The following IL1RAPL2 variants were observed in gnomAD, a reference collection of about 807,000 sequenced individuals.
IL1RAPL2 encodes the protein X-linked interleukin-1 receptor accessory protein-like 2.
A neutral mutation model predicts 44.1 loss-of-function variants in IL1RAPL2; 3 were observed. The ratio of observed to expected loss-of-function variants is 0.07; its 90% confidence interval spans 0.03 to 0.18. The LOEUF (loss-of-function observed/expected upper bound fraction) is 0.18, where lower values mean the gene tolerates loss of function less well. Ranked by LOEUF, IL1RAPL2 falls within the 10% of genes least tolerant of loss-of-function variation. The probability of loss-of-function intolerance (pLI) is 1.00; values close to 1 mark genes in which losing one functional copy is unlikely to be tolerated. For missense variants in IL1RAPL2, 391 were observed against 496.4 expected, an observed-to-expected ratio of 0.79 and a Z score of 2.02; for synonymous variants, 181 against 178.8, an observed-to-expected ratio of 1.01 and a Z score of -0.10.
intron 7 of IL1RAPL2, among the ~76,000 whole-genome samples, chrX:105,732,409 T>C (rs779628162): frequency 9.1e-5 from 10 of 110,205 alleles, no homozygotes; most frequent in South Asian, 3.9e-4. Flanking sequence ...GTTCTCATGA[T>C]AGTGAGTGAG....
At chrX:105,304,755 A>C in intron 5 of IL1RAPL2, among the ~76,000 whole-genome samples, 1 of 112,121 alleles carries the variant, frequency 8.9e-6, no homozygotes, top group Admixed American at 9.5e-5. Context: ...TCATTACCAC[A>C]TCAAGGTACT....
intron 4 of IL1RAPL2, 130 bp downstream of exon 4, chrX:105,234,134 C>A (rs2034098405): frequency 2.1e-6 from 1 of 471,539 alleles, no homozygotes; most frequent in Non-Finnish European, 3.4e-6. Flanking sequence ...AGATCCATAA[C>A]TAAATAATTC....
intron 2 of IL1RAPL2, among the ~76,000 whole-genome samples, chrX:104,819,751 T>C (rs1921247623): frequency 1.8e-5 from 2 of 111,922 alleles, no homozygotes; most frequent in Admixed American, 1.9e-4. Flanking sequence ...TGCTTCCATA[T>C]GATAACATTA....
intron 2 of IL1RAPL2, among the ~76,000 whole-genome samples, chrX:104,989,715 A>T (rs771658299): frequency 1.1e-4 from 12 of 111,249 alleles, no homozygotes; most frequent in Non-Finnish European, 2.3e-4. Context: ...ATTAGTTTTA[A>T]CCATGTCTGT....
At chrX:104,614,786 G>A (rs1021334084) in intron 1 of IL1RAPL2, among the ~76,000 whole-genome samples, 1 of 111,789 alleles carries the variant, frequency 8.9e-6, no homozygotes, top group African/African-American at 3.2e-5. Context: ...TTTAAATTCT[G>A]TTTTATCTGA....
At chrX:105,008,532 GA>G (rs1385736460) in intron 2 of IL1RAPL2, among the ~76,000 whole-genome samples, 1 of 111,041 alleles carries the variant, frequency 9.0e-6, no homozygotes, top group Non-Finnish European at 1.9e-5. Context: ...ATGGTGCTGG[GA>G]AAACTGGCTA....
chrX:105,032,126 T>C (rs757113042), intron 2 of IL1RAPL2, among the ~76,000 whole-genome samples: 2 of 111,717 alleles, frequency 1.8e-5, no homozygotes, highest in African/African-American at 6.5e-5. Flanking sequence ...TTTTCTTCTT[T>C]GTTAGTCTTG....
At chrX:105,077,697 T>A (rs1054037984) in intron 2 of IL1RAPL2, among the ~76,000 whole-genome samples, 2 of 112,075 alleles carry the variant, frequency 1.8e-5, no homozygotes, top group Non-Finnish European at 3.8e-5. Flanking sequence ...GACATAGATT[T>A]GGTCGTTTCA....
At chrX:104,832,996 T>C (rs1310648396) in intron 2 of IL1RAPL2, among the ~76,000 whole-genome samples, 1 of 112,174 alleles carries the variant, frequency 8.9e-6, no homozygotes, top group Non-Finnish European at 1.9e-5. Context: ...AATGATAATT[T>C]GTGTAGAAAA....
intron 5 of IL1RAPL2, among the ~76,000 whole-genome samples, chrX:105,284,071 G>A (rs777789836): frequency 3.5e-4 from 39 of 111,634 alleles, no homozygotes; most frequent in African/African-American, 1.2e-3. Flanking sequence ...TATAACTAAT[G>A]CCACACTAAA....
At chrX:105,641,158 G>C (rs1450622358) in intron 6 of IL1RAPL2, among the ~76,000 whole-genome samples, 1 of 111,162 alleles carries the variant, frequency 9.0e-6, no homozygotes, top group African/African-American at 3.3e-5. Context: ...TTCTTGAGTT[G>C]ATATGTCAAC....
At chrX:104,848,643 A>G (rs1397765722) in intron 2 of IL1RAPL2, among the ~76,000 whole-genome samples, 2 of 108,373 alleles carry the variant, frequency 1.8e-5, no homozygotes, top group African/African-American at 6.6e-5. Context: ...ATATAAAATT[A>G]TACATATTAA....
At chrX:104,645,963 G>T (rs1375023989) in intron 1 of IL1RAPL2, among the ~76,000 whole-genome samples, 1 of 112,054 alleles carries the variant, frequency 8.9e-6, no homozygotes, top group Non-Finnish European at 1.9e-5. Flanking sequence ...TACCAAATTG[G>T]TCAACCAGAT....
At chrX:104,701,148 A>T (rs1056501762) in intron 2 of IL1RAPL2, among the ~76,000 whole-genome samples, 1 of 111,905 alleles carries the variant, frequency 8.9e-6, no homozygotes, top group Non-Finnish European at 1.9e-5. Context: ...CACTTCCCAC[A>T]GCAGCAATTT....
chrX:105,397,578 A>G (rs889588771), intron 5 of IL1RAPL2, among the ~76,000 whole-genome samples: 1 of 111,933 alleles, frequency 8.9e-6, no homozygotes, highest in African/African-American at 3.2e-5. Flanking sequence ...ACAATCTGAA[A>G]GAAAAAGTGA....
At chrX:104,875,581 C>T (rs753133599) in intron 2 of IL1RAPL2, among the ~76,000 whole-genome samples, 16 of 111,564 alleles carry the variant, frequency 1.4e-4, no homozygotes, top group Non-Finnish European at 2.3e-4. Context: ...TCCCATTCCC[C>T]GTAGTGCCTG....
At chrX:105,037,688 C>A (rs761994098) in intron 2 of IL1RAPL2, among the ~76,000 whole-genome samples, 11 of 111,767 alleles carry the variant, frequency 9.8e-5, no homozygotes, top group Non-Finnish European at 2.1e-4. Context: ...TAGATCCCAT[C>A]CCCTCCATTT....
At chrX:104,941,527 G>A (rs776241856) in intron 2 of IL1RAPL2, among the ~76,000 whole-genome samples, 13 of 111,528 alleles carry the variant, frequency 1.2e-4, no homozygotes, top group Admixed American at 3.8e-4. Context: ...CATGCCCTTC[G>A]CCCACTTTTT....
intron 6 of IL1RAPL2, among the ~76,000 whole-genome samples, chrX:105,697,656 A>T (rs1257669823): frequency 1.8e-5 from 2 of 111,344 alleles, no homozygotes; most frequent in East Asian, 5.7e-4. Context: ...TGTCTGCTGA[A>T]GTCAGAATTG....
Sources: allele counts gnomAD v4.1 joint callset (sites outside exome capture counted in the v4.1 genomes callset), GRCh38; gene constraint gnomAD v4.1.1; transcripts MANE v1.5; gene names NCBI Gene and HGNC (gene_info 2026-07-23, HGNC 2026-07-21).